VCF1: variants seen among roughly 807,000 people sequenced by gnomAD.
VCF1 encodes the protein protein VCF1.
chr17:73,208,341 G>C, the VCF1 span: 1 of 1,614,088 alleles, frequency 6.2e-7, no homozygotes, highest in Non-Finnish European at 8.5e-7. Context: ...CTCCACAGCT[G>C]GTGACCCGAC....
chr17:73,221,765 G>A, the VCF1 span, among the ~76,000 whole-genome samples: 1 of 151,962 alleles, frequency 6.6e-6, no homozygotes, highest in African/African-American at 2.4e-5. Flanking sequence ...GCCGGGCGCG[G>A]TGGCTCACGC....
At chr17:73,216,082 G>C in the VCF1 span, among the ~76,000 whole-genome samples, 1 of 152,110 alleles carries the variant, frequency 6.6e-6, no homozygotes, top group Non-Finnish European at 1.5e-5. Flanking sequence ...GACTGGCTCA[G>C]GTCTATACTT....
chr17:73,209,662 C>T, the VCF1 span: 1 of 1,552,544 alleles, frequency 6.4e-7, no homozygotes, highest in Non-Finnish European at 8.7e-7. Flanking sequence ...AGGGCTGGAT[C>T]CGGCCATGGT....
the VCF1 span, among the ~76,000 whole-genome samples, chr17:73,210,829 AGCTCAAGCAATCCTCCTGCCTTG>A: frequency 5.2e-3 from 778 of 148,878 alleles, 2 homozygotes; most frequent in Non-Finnish European, 7.7e-3. Context: ...CCAACTCCTG[AGCTCAAGCAATCCTCCTGCCTTG>A]GCCTCTGAAA....
At chr17:73,218,429 A>G in the VCF1 span, among the ~76,000 whole-genome samples, 1 of 152,226 alleles carries the variant, frequency 6.6e-6, no homozygotes, top group Non-Finnish European at 1.5e-5. Context: ...ACTGGACCAC[A>G]CAATGTGTTT....
chr17:73,232,078 C>T, the VCF1 span: 6 of 1,597,318 alleles, frequency 3.8e-6, no homozygotes, highest in African/African-American at 1.3e-5. Context: ...GGGTCCCTTC[C>T]CTCTCACCTG....
chr17:73,223,851 C>T, the VCF1 span, among the ~76,000 whole-genome samples: 2 of 151,740 alleles, frequency 1.3e-5, no homozygotes, highest in African/African-American at 2.4e-5. Context: ...TTTGGTGGCA[C>T]ATCCCTGTAG....
At chr17:73,208,888 G>C in the VCF1 span, 1 of 292,772 alleles carries the variant, frequency 3.4e-6, no homozygotes, top group African/African-American at 2.2e-5. Flanking sequence ...GAATCTAAAA[G>C]ACATTCTCTC....
chr17:73,218,785 C>T, the VCF1 span, among the ~76,000 whole-genome samples: 2 of 151,904 alleles, frequency 1.3e-5, no homozygotes, highest in East Asian at 1.9e-4. Context: ...TTTGGGAGGC[C>T]GAGGCGGGCG....
At chr17:73,222,430 A>C in the VCF1 span, among the ~76,000 whole-genome samples, 2 of 152,050 alleles carry the variant, frequency 1.3e-5, no homozygotes, top group Admixed American at 1.3e-4. Context: ...ACTTGGAAAA[A>C]ACAGCTTCTA....
At chr17:73,224,930 G>GACAGGACAGGACAGC in the VCF1 span, among the ~76,000 whole-genome samples, 15 of 85,798 alleles carry the variant, frequency 1.7e-4, no homozygotes, top group African/African-American at 4.6e-4. Context: ...GACAGGACAG[G>GACAGGACAGGACAGC]ACAGCACAGC....
chr17:73,214,150 A>G, the VCF1 span, among the ~76,000 whole-genome samples: 1 of 152,178 alleles, frequency 6.6e-6, no homozygotes, highest in Non-Finnish European at 1.5e-5. Context: ...GAGCAGACCA[A>G]TGATAGTGTT....
the VCF1 span, among the ~76,000 whole-genome samples, chr17:73,224,259 T>C: frequency 0.04 from 879 of 22,114 alleles, 9 homozygotes; most frequent in Middle Eastern, 0.1. Context: ...AGACGTCGTC[T>C]CTCCAAAAAA....
At chr17:73,216,540 G>C in the VCF1 span, among the ~76,000 whole-genome samples, 10 of 151,952 alleles carry the variant, frequency 6.6e-5, no homozygotes, top group Non-Finnish European at 1.5e-4. Context: ...GAGAGGAGGT[G>C]AGTGGGGAAA....
the VCF1 span, chr17:73,232,003 C>G: frequency 7.0e-7 from 1 of 1,436,232 alleles, no homozygotes; most frequent in Non-Finnish European, 9.3e-7. Context: ...CACTCTTGCT[C>G]CGACCCCCAT....
chr17:73,209,786 G>C, the VCF1 span: 1 of 1,538,592 alleles, frequency 6.5e-7, no homozygotes, highest in East Asian at 2.4e-5. Flanking sequence ...GAAGAAGAAA[G>C]AAACAGGGTC....
At chr17:73,232,337 G>T in the VCF1 span, 1 of 1,536,672 alleles carries the variant, frequency 6.5e-7, no homozygotes. Flanking sequence ...GCCCTCTCGC[G>T]GCTGCGCAGT....
the VCF1 span, among the ~76,000 whole-genome samples, chr17:73,214,394 A>G: frequency 6.6e-6 from 1 of 152,120 alleles, no homozygotes; most frequent in South Asian, 2.1e-4. Context: ...ATTCACAAAT[A>G]TATTTGGTAT....
the VCF1 span, among the ~76,000 whole-genome samples, chr17:73,222,035 C>CAAAAAAA: frequency 1.2e-5 from 1 of 80,914 alleles, no homozygotes; most frequent in African/African-American, 5.5e-5. Flanking sequence ...GACTCTGTCT[C>CAAAAAAA]AAAAAAAAAA....
Sources: gnomAD v4.1 joint callset for allele counts (sites outside exome capture counted in the v4.1 genomes callset) on GRCh38, gnomAD v4.1.1 for gene constraint, MANE v1.5 for transcripts, NCBI Gene and HGNC (gene_info 2026-07-23, HGNC 2026-07-21) for gene names.